RYR2: variants seen among roughly 807,000 people sequenced by gnomAD.
RYR2 encodes the protein cardiac muscle ryanodine receptor-calcium release channel.
RYR2 carries 227 observed loss-of-function variants against 601.1 expected under a neutral mutation model. The ratio of observed to expected loss-of-function variants is 0.38; its 90% confidence interval spans 0.34 to 0.42. The LOEUF is 0.42. RYR2 is among the 10% of genes least tolerant of loss of function. RYR2 has a pLI of 1.00. For missense variants in RYR2, 4,646 were observed against 6,156.5 expected, an observed-to-expected ratio of 0.75 and a Z score of 8.21; for synonymous variants, 2,223 against 2,175.1, an observed-to-expected ratio of 1.02 and a Z score of -0.61.
At chr1:237,493,662 C>A (rs1377130456) in intron 19 of RYR2, among the ~76,000 whole-genome samples, 5 of 152,114 alleles carry the variant, frequency 3.3e-5, no homozygotes, top group Admixed American at 6.5e-5. Flanking sequence ...CCGTGTTAGC[C>A]AGGATGGTCT....
At chr1:237,082,199 C>G (rs1326543986) in intron 1 of RYR2, among the ~76,000 whole-genome samples, 1 of 152,084 alleles carries the variant, frequency 6.6e-6, no homozygotes, top group Non-Finnish European at 1.5e-5. Flanking sequence ...AACTTATTGA[C>G]TCTTCACAGG....
intron 1 of RYR2, among the ~76,000 whole-genome samples, chr1:237,232,916 C>G (rs1374372819): frequency 6.6e-6 from 1 of 152,136 alleles, no homozygotes. Flanking sequence ...TTGAGTTTTT[C>G]CTCACTCAAG....
chr1:237,059,116 G>T (rs992651397), intron 1 of RYR2, among the ~76,000 whole-genome samples: 4 of 152,076 alleles, frequency 2.6e-5, no homozygotes, highest in African/African-American at 9.7e-5. Context: ...CCAGTTTCAT[G>T]CAGTCACACA....
chr1:237,448,915 TC>T (rs1657724571), intron 14 of RYR2, among the ~76,000 whole-genome samples: 1 of 152,090 alleles, frequency 6.6e-6, no homozygotes, highest in East Asian at 1.9e-4. Flanking sequence ...TGCATTTTTG[TC>T]CCATTTGATA....
intron 1 of RYR2, among the ~76,000 whole-genome samples, chr1:237,139,195 A>G (rs527520952): frequency 6.6e-6 from 1 of 152,360 alleles, no homozygotes; most frequent in South Asian, 2.1e-4. Context: ...TTATTTGGTC[A>G]TAAAAGGGAA....
chr1:237,681,230 C>A (rs1411000366), intron 62 of RYR2, among the ~76,000 whole-genome samples: 4 of 152,170 alleles, frequency 2.6e-5, no homozygotes, highest in Non-Finnish European at 1.5e-5. Flanking sequence ...CCATACCAAG[C>A]TTTTAGATTG....
At chr1:237,769,007 G>T (rs534474690) in intron 84 of RYR2, among the ~76,000 whole-genome samples, 1 of 152,142 alleles carries the variant, frequency 6.6e-6, no homozygotes, top group Admixed American at 6.5e-5. Flanking sequence ...ATTATGCATT[G>T]TGCAGAGCAT....
intron 55 of RYR2, 23 bp from the exon 56 acceptor site, chr1:237,660,787 G>A: frequency 6.5e-7 from 1 of 1,527,858 alleles, no homozygotes; most frequent in Non-Finnish European, 8.8e-7. Flanking sequence ...TATATCTGTT[G>A]TTTCTTGTTT....
intron 1 of RYR2, among the ~76,000 whole-genome samples, chr1:237,044,596 G>A (rs965504101): frequency 4.6e-5 from 7 of 151,650 alleles, no homozygotes; most frequent in Non-Finnish European, 7.4e-5. Context: ...AGGTTGCTGT[G>A]CTGACGACAA....
chr1:237,526,524 A>T (rs961965269), intron 24 of RYR2, among the ~76,000 whole-genome samples: 1 of 151,874 alleles, frequency 6.6e-6, no homozygotes, highest in African/African-American at 2.4e-5. Context: ...ACTTTGAATT[A>T]TGTGTAGAGA....
intron 27 of RYR2, among the ~76,000 whole-genome samples, chr1:237,557,159 C>T (rs1297710627): frequency 6.6e-6 from 1 of 152,140 alleles, no homozygotes; most frequent in Non-Finnish European, 1.5e-5. Flanking sequence ...ATGGGTACAG[C>T]CTTGCCACAC....
chr1:237,656,791 CA>C, intron 53 of RYR2, among the ~76,000 whole-genome samples: 1 of 152,194 alleles, frequency 6.6e-6, no homozygotes, highest in Non-Finnish European at 1.5e-5. Context: ...ATCAGAATTT[CA>C]ACCTGAGTGG....
chr1:237,101,074 C>T (rs1253124369), intron 1 of RYR2, among the ~76,000 whole-genome samples: 1 of 152,152 alleles, frequency 6.6e-6, no homozygotes, highest in Non-Finnish European at 1.5e-5. Flanking sequence ...GGTTCAGAGG[C>T]TTCCCTTTCA....
chr1:237,569,930 A>G (rs1330999303), intron 29 of RYR2, among the ~76,000 whole-genome samples: 1 of 152,114 alleles, frequency 6.6e-6, no homozygotes, highest in African/African-American at 2.4e-5. Flanking sequence ...GTAAAGATGG[A>G]GGGTGGGCCG....
rs1662219709 is a variant in RYR2, at chr1:237,819,640, T to G, written c.14590+448T>G. Among the ~76,000 whole-genome samples the G allele has an allele frequency of 6.6e-6, 1 of 151,788 alleles. No homozygotes were observed. The highest frequency in any genetic ancestry group is 2.4e-5 in the African/African-American group (1 of 41,298). On this transcript the variant is annotated intron_variant, in intron 101 of 104. Transcript: ENST00000366574. The surrounding 1 kb of genome is among the most constrained non-coding windows in gnomAD (Gnocchi z 4.0). ...CTCGAGACCAGCCTGACCAACATGGTAAACCCCATCTCTACTAAAAATACA... is the reference window on the plus strand; with the variant it reads ...CTCGAGACCAGCCTGACCAACATGGGAAACCCCATCTCTACTAAAAATACA...
chr1:237,381,251 C>CAA (rs60493059), intron 8 of RYR2, among the ~76,000 whole-genome samples: 4,027 of 45,038 alleles, frequency 0.089, 417 homozygotes, highest in Non-Finnish European at 0.14. Context: ...GACTCCGTCT[C>CAA]AAAAAAAAAA....
intron 1 of RYR2, among the ~76,000 whole-genome samples, chr1:237,117,943 G>A (rs1166978682): frequency 2.6e-5 from 4 of 152,130 alleles, no homozygotes; most frequent in East Asian, 1.9e-4. Flanking sequence ...ACAGGGTTTC[G>A]CCATGTTGGC....
chr1:237,084,077 G>C (rs2148416274), intron 1 of RYR2, among the ~76,000 whole-genome samples: 1 of 152,262 alleles, frequency 6.6e-6, no homozygotes, highest in Middle Eastern at 3.4e-3. Flanking sequence ...AATGCCTCCA[G>C]AGTTTGGTCC....
chr1:237,130,184 A>G (rs566511242), intron 1 of RYR2, among the ~76,000 whole-genome samples: 5 of 152,324 alleles, frequency 3.3e-5, no homozygotes, highest in African/African-American at 1.2e-4. Context: ...ACATATGTCA[A>G]AACATCACGT....
Sources: allele counts gnomAD v4.1 joint callset (sites outside exome capture counted in the v4.1 genomes callset), GRCh38; gene constraint gnomAD v4.1.1; non-coding constraint Gnocchi (gnomAD v3.1); transcripts MANE v1.5; gene names NCBI Gene and HGNC (gene_info 2026-07-23, HGNC 2026-07-21).